PKHD1L1: variants seen among roughly 807,000 people sequenced by gnomAD.
PKHD1L1 encodes fibrocystin-L.
PKHD1L1 carries 434 observed loss-of-function variants against 462.9 expected under a neutral mutation model. That is an observed-to-expected ratio of 0.94 (90% confidence interval 0.87 to 1.02). The LOEUF (loss-of-function observed/expected upper bound fraction) is 1.02, where lower values mean the gene tolerates loss of function less well. Ranked by LOEUF, PKHD1L1 falls within the 50% of genes least tolerant of loss-of-function variation. The pLI is 0.00. For missense variants in PKHD1L1, 5,202 were observed against 5,096.1 expected, an observed-to-expected ratio of 1.02 and a Z score of -0.63; for synonymous variants, 1,781 against 1,750.0, an observed-to-expected ratio of 1.02 and a Z score of -0.44.
In PKHD1L1 at chr8:109,449,476, C is replaced by A; in HGVS notation, c.6164C>A (p.Pro2055Gln). ...TACACAACACTATTATGTGAAATTC[C>A]ATCTAATAATGGTAAGTTGTCAGAA... is the stretch of plus-strand genomic sequence containing the variant. ...SDYTTLLCEI[P>Q]SNNGTGAEQA... The change falls in exon 40 of 78, where the codon CCA (proline) becomes CAA (glutamine). Residue 2055 changes from proline to glutamine, a missense_variant. Pro to Gln is a moderately conservative substitution (Grantham distance 76). Transcript: ENST00000378402. 1 of 1,591,058 alleles carries A rather than the reference C, an allele frequency of 6.3e-7. No individual in the cohort carries two copies. The highest frequency in any genetic ancestry group is 2.3e-5 in the East Asian group (1 of 44,292).
chr8:109,384,213 T>A, intron 5 of PKHD1L1, 86 bp downstream of exon 5: 1 of 1,063,096 alleles, frequency 9.4e-7, no homozygotes, highest in Non-Finnish European at 1.4e-6. Context: ...GTATAATTCC[T>A]GCAATTTTTA....
In PKHD1L1 at chr8:109,406,422, T is replaced by A; in HGVS notation, c.1757T>A (p.Ile586Lys). Residue 586 changes from isoleucine (I) to lysine (K), a missense_variant, in exon 17 of 78, where the codon ATA becomes AAA. Around this residue, in one of 3 missense-constraint regions of PKHD1L1, gnomAD observed 4,497 missense variants for 4,336.8 expected, o/e 1.04. Transcript: ENST00000378402. ...ATAAAACCGGACACAGTTCAAGTAA[T>A]AAGAACACAAAATCCCCAGAGCTAT... ...WSIKPDTVQVIRTQNPQSYVY... is the reference protein window; with the variant it reads ...WSIKPDTVQVKRTQNPQSYVY... 2 of 1,596,068 alleles carry A rather than the reference T, an allele frequency of 1.3e-6. No individual in the cohort carries two copies. The highest frequency in any genetic ancestry group is 1.7e-6 in the Non-Finnish European group (2 of 1,170,600).
In PKHD1L1 at chr8:109,389,071, T is replaced by C. The variant is rs1461781884; in HGVS notation, c.624-8T>C. Reference sequence around the variant, plus strand: ...TATAAGCTTTGACATTAACTTTTTTTTAATTAGATATGGTCTAAAACTGGA... The same window carrying C: ...TATAAGCTTTGACATTAACTTTTTTCTAATTAGATATGGTCTAAAACTGGA... On this transcript the variant is annotated splice_polypyrimidine_tract_variant and splice_region_variant and intron_variant, in intron 7 of 77. Coordinates refer to ENST00000378402, the MANE Select transcript of PKHD1L1 (RefSeq NM_177531.6). The C allele has an allele frequency of 1.9e-6, 3 of 1,579,004 alleles. No individual in the cohort carries two copies. The highest frequency in any genetic ancestry group is 3.5e-5 in the Admixed American group (2 of 56,496).
intron 27 of PKHD1L1, among the ~76,000 whole-genome samples, 190 bp downstream of exon 27, chr8:109,430,227 T>G (rs1174759458): frequency 6.6e-6 from 1 of 152,036 alleles, no homozygotes; most frequent in Non-Finnish European, 1.5e-5. Context: ...TATTTATTTT[T>G]GAAAAAAAAA....
In PKHD1L1 at chr8:109,491,862, T is replaced by A. The variant is rs200865387; in HGVS notation, c.10115-11T>A. 8.4e-6 allele frequency: 5 copies of A among 596,864 alleles called. No homozygotes were observed. The East Asian group carries it at 2.0e-4, about 24-fold the overall frequency. 37.0% of individuals were successfully genotyped at this position (596,864 alleles called of 1,614,324 possible). On this transcript the variant is annotated splice_polypyrimidine_tract_variant and intron_variant, in intron 61 of 77. Coordinates refer to ENST00000378402, the MANE Select transcript of PKHD1L1 (RefSeq NM_177531.6). ...TGGGGATTTTCTTTCTTTTTTTCTT[T>A]TTTTAAACAGGCATAAGAATATGGG...
In PKHD1L1 at chr8:109,448,399, T is replaced by C. The variant is rs1490066400; in HGVS notation, c.6025+8T>C. The C allele has an allele frequency of 2.5e-6, 4 of 1,601,802 alleles. No homozygotes were observed. The highest frequency in any genetic ancestry group is 3.4e-6 in the Non-Finnish European group (4 of 1,172,798). On this transcript the variant is annotated splice_region_variant and intron_variant, in intron 39 of 77. Coordinates refer to ENST00000378402, the MANE Select transcript of PKHD1L1 (RefSeq NM_177531.6). ...ATATTAATCCAAGCCAAGGTAGTCA[T>C]AAGTATGCAAGAACCTGCAGATATT...
intron 68 of PKHD1L1, among the ~76,000 whole-genome samples, chr8:109,506,462 T>C (rs1819698403): frequency 6.6e-6 from 1 of 152,188 alleles, no homozygotes; most frequent in South Asian, 2.1e-4. Flanking sequence ...TTATAGCTAG[T>C]GGATAAACCA....
intron 2 of PKHD1L1, 145 bp downstream of exon 2, chr8:109,364,781 C>A: frequency 3.3e-6 from 2 of 613,970 alleles, no homozygotes; most frequent in South Asian, 4.3e-5. Flanking sequence ...ACTCTGTCCT[C>A]TTTGATAGCT....
At chr8:109,394,532 G>A (rs1812872453) in intron 10 of PKHD1L1, 47 bp downstream of exon 10, 3 of 1,218,586 alleles carry the variant, frequency 2.5e-6, no homozygotes, top group South Asian at 3.5e-5. Context: ...TGGGAAGGCA[G>A]TGTATAATTG....
In PKHD1L1 at chr8:109,491,894, C is replaced by T; in HGVS notation, c.10136C>T (p.Ala3379Val). 1 of 1,603,256 alleles carries T rather than the reference C, an allele frequency of 6.2e-7. No individual in the cohort carries two copies. Among genetic ancestry groups the T allele is most frequent in the East Asian group, 2.2e-5 (1 of 44,746 alleles). The change falls in exon 62 of 78, where the codon GCC (alanine) becomes GTC (valine). Residue 3379 changes from alanine (A) to valine (V), a missense_variant. Coordinates refer to ENST00000378402, the MANE Select transcript of PKHD1L1 (RefSeq NM_177531.6). ...VGEGIRIWGN[A>V]NRVRGNLIAL... is the part of the protein sequence containing the mutation. ...ACAGGCATAAGAATATGGGGGAATGCCAACCGAGTCCGAGGGAATTTGATT... is the reference window on the plus strand; with the variant it reads ...ACAGGCATAAGAATATGGGGGAATGTCAACCGAGTCCGAGGGAATTTGATT...
intron 23 of PKHD1L1, among the ~76,000 whole-genome samples, chr8:109,421,841 C>T (rs891655866): frequency 5.9e-5 from 9 of 152,126 alleles, no homozygotes; most frequent in African/African-American, 2.2e-4. Context: ...GCATCTGTGT[C>T]AAAATTCTCC....
In PKHD1L1 at chr8:109,445,439, A is replaced by G; in HGVS notation, c.5570A>G (p.Tyr1857Cys). The G allele has an allele frequency of 6.2e-7, 1 of 1,614,008 alleles. No homozygotes were observed. The highest frequency in any genetic ancestry group is 8.5e-7 in the Non-Finnish European group (1 of 1,179,906). The change falls in exon 38 of 78, where the codon TAT becomes TGT. Residue 1857 changes from tyrosine (Y) to cysteine (C), a missense_variant. Transcript: ENST00000378402. ...TTLVITGNGFYPGNTTVTIGD... is the reference protein window; with the variant it reads ...TTLVITGNGFCPGNTTVTIGD... ...CTGGTGATCACAGGAAATGGCTTCT[A>G]TCCAGGCAACACTACAGTCACTATT...
intron 2 of PKHD1L1, among the ~76,000 whole-genome samples, chr8:109,376,034 A>T (rs900915127): frequency 6.6e-6 from 1 of 152,234 alleles, no homozygotes; most frequent in African/African-American, 2.4e-5. Flanking sequence ...AAGCTGTCAG[A>T]CAGGGACATT....
intron 67 of PKHD1L1, among the ~76,000 whole-genome samples, chr8:109,500,277 C>A (rs1819334522): frequency 6.6e-6 from 1 of 151,986 alleles, no homozygotes; most frequent in Admixed American, 6.6e-5. Context: ...TGATACTCAT[C>A]ATCTCTCTCA....
chr8:109,503,271 C>CT (rs55825483), intron 67 of PKHD1L1, among the ~76,000 whole-genome samples: 148,934 of 152,094 alleles, frequency 0.98, 72,933 homozygotes, highest in East Asian at 1. Flanking sequence ...CACCACTGGA[C>CT]CCCATCTCAA....
chr8:109,406,287 A>G (rs941171839), intron 16 of PKHD1L1, 48 bp from the exon 17 acceptor site: 2 of 1,513,178 alleles, frequency 1.3e-6, no homozygotes, highest in Non-Finnish European at 1.8e-6. Flanking sequence ...GCTCAGAAAG[A>G]TTTCAACTTT....
chr8:109,465,204 A>G lies in PKHD1L1; in HGVS notation c.8372A>G (p.Glu2791Gly), dbSNP rs1817372905. ...CCGAACAAGGCTGGCTTTCGCTGGGAACATGAAATGGTAATGATTGATGTT... is the reference window on the plus strand; with the variant it reads ...CCGAACAAGGCTGGCTTTCGCTGGGGACATGAAATGGTAATGATTGATGTT... ...HTPNKAGFRW[E>G]HEMVMIDVDG... Residue 2791 changes from glutamate (E) to glycine (G), a missense_variant, in exon 49 of 78, where the codon GAA becomes GGA. Glu to Gly is a moderately conservative substitution (Grantham distance 98, BLOSUM62 -2). Around this residue, in one of 3 missense-constraint regions of PKHD1L1, gnomAD observed 4,497 missense variants for 4,336.8 expected, o/e 1.04. Coordinates refer to ENST00000378402, the MANE Select transcript of PKHD1L1 (RefSeq NM_177531.6). 1 of 1,613,658 alleles carries G rather than the reference A, an allele frequency of 6.2e-7. No individual in the cohort carries two copies. The highest frequency in any genetic ancestry group is 2.2e-5 in the East Asian group (1 of 44,874).
intron 68 of PKHD1L1, among the ~76,000 whole-genome samples, chr8:109,505,098 C>A (rs192211959): frequency 6.6e-6 from 1 of 152,008 alleles, no homozygotes; most frequent in Non-Finnish European, 1.5e-5. Context: ...CTATGTTTCC[C>A]AGGCTGGTCT....
At chr8:109,529,950 TG>T in intron 77 of PKHD1L1, 129 bp from the exon 78 acceptor site, 1 of 469,778 alleles carries the variant, frequency 2.1e-6, no homozygotes, top group Non-Finnish European at 3.4e-6. Flanking sequence ...TAACATTAAA[TG>T]GGTAAACTTG....
Sources: gnomAD v4.1 joint callset for allele counts (sites outside exome capture counted in the v4.1 genomes callset) on GRCh38, gnomAD v4.1.1 for gene constraint, gnomAD v4.1.1 regional missense constraint, MANE v1.5 for transcripts, NCBI Gene and HGNC (gene_info 2026-07-23, HGNC 2026-07-21) for gene names.